The following ATF7IP2 variants were observed in gnomAD, a reference collection of about 807,000 sequenced individuals.
ATF7IP2 encodes activating transcription factor 7-interacting protein 2.
A neutral mutation model predicts 64.2 loss-of-function variants in ATF7IP2; 42 were observed. The ratio of observed to expected loss-of-function variants is 0.65; its 90% CI spans 0.51 to 0.85. ATF7IP2 has a LOEUF of 0.85. Ranked by LOEUF, ATF7IP2 falls within the 40% of genes least tolerant of loss-of-function variation. The probability of loss-of-function intolerance (pLI) is 0.00; values close to 1 mark genes in which losing one functional copy is unlikely to be tolerated. For missense variants in ATF7IP2, 933 were observed against 784.2 expected (o/e 1.19, Z -2.27); for synonymous variants, 308 against 272.8 (o/e 1.13, Z -1.27).
chr16:10,434,290 T>G (rs1376266988), intron 6 of ATF7IP2, among the ~76,000 whole-genome samples: 2 of 152,202 alleles, frequency 1.3e-5, no homozygotes, highest in Non-Finnish European at 2.9e-5. Context: ...TCAGTTCTAG[T>G]AGAATGGTTA....
intron 1 of ATF7IP2, among the ~76,000 whole-genome samples, chr16:10,399,795 A>G (rs2047491411): frequency 6.6e-6 from 1 of 152,192 alleles, no homozygotes; most frequent in African/African-American, 2.4e-5. Context: ...CCATTTTAAC[A>G]ATATTAATTC....
At chr16:10,435,237 G>T (rs1540525) in intron 6 of ATF7IP2, among the ~76,000 whole-genome samples, 1 of 152,132 alleles carries the variant, frequency 6.6e-6, no homozygotes, top group African/African-American at 2.4e-5. Flanking sequence ...CCCTACTGAA[G>T]GAGTCCTGCA....
chr16:10,425,054 A>ATTT (rs59143669), intron 3 of ATF7IP2, among the ~76,000 whole-genome samples: 4 of 132,194 alleles, frequency 3.0e-5, no homozygotes, highest in East Asian at 2.2e-4. Flanking sequence ...TTTATATCAG[A>ATTT]TTTTTTTTTT....
intron 9 of ATF7IP2, among the ~76,000 whole-genome samples, chr16:10,460,673 G>A (rs572810978): frequency 6.0e-4 from 92 of 152,078 alleles, no homozygotes; most frequent in Non-Finnish European, 1.2e-3. Context: ...ATATGAAATT[G>A]GACTCCTTTG....
intron 9 of ATF7IP2, among the ~76,000 whole-genome samples, chr16:10,470,630 A>T (rs985164851): frequency 1.3e-5 from 2 of 151,924 alleles, no homozygotes; most frequent in African/African-American, 4.8e-5. Context: ...AAATTTTTTT[A>T]AAAAGTTAGC....
chr16:10,418,630 C>T (rs1034340156), intron 2 of ATF7IP2, among the ~76,000 whole-genome samples: 10 of 152,224 alleles, frequency 6.6e-5, no homozygotes, highest in African/African-American at 2.4e-4. Context: ...CTCCTTCAAG[C>T]ACTCCAGTTC....
intron 8 of ATF7IP2, among the ~76,000 whole-genome samples, chr16:10,452,010 C>T (rs1260728973): frequency 6.6e-6 from 1 of 152,036 alleles, no homozygotes; most frequent in South Asian, 2.1e-4. Context: ...CGAGATCGCT[C>T]CACTGCACTC....
chr16:10,450,473 G>A (rs947357385), intron 8 of ATF7IP2, among the ~76,000 whole-genome samples: 2 of 152,190 alleles, frequency 1.3e-5, no homozygotes, highest in Non-Finnish European at 2.9e-5. Flanking sequence ...AGGTCTTTAA[G>A]AACTTGCTTT....
chr16:10,479,734 A>G (rs1195968494), intron 12 of ATF7IP2, among the ~76,000 whole-genome samples: 2 of 152,178 alleles, frequency 1.3e-5, no homozygotes, highest in East Asian at 3.9e-4. Flanking sequence ...CAAACATGAA[A>G]AAAAGCTCAA....
At chr16:10,426,007 T>A (rs185145678) in intron 3 of ATF7IP2, among the ~76,000 whole-genome samples, 6 of 152,260 alleles carry the variant, frequency 3.9e-5, no homozygotes, top group Admixed American at 3.9e-4. Flanking sequence ...CAAAATGAAG[T>A]TAACAGTGAG....
chr16:10,433,702 T>C, intron 6 of ATF7IP2, 53 bp downstream of exon 6: 1 of 1,585,604 alleles, frequency 6.3e-7, no homozygotes, highest in Non-Finnish European at 8.6e-7. Context: ...TAAAACATGG[T>C]AAAAGTTAAT....
At chr16:10,447,412 A>G (rs1032802141) in intron 8 of ATF7IP2, 5 of 152,174 alleles carry the variant, frequency 3.3e-5, no homozygotes, top group Admixed American at 6.5e-5. Flanking sequence ...CCGGAGAAGA[A>G]TGGGATCCCA....
chr16:10,472,043 T>G, intron 9 of ATF7IP2, 67 bp from the exon 10 acceptor site: 1 of 734,634 alleles, frequency 1.4e-6, no homozygotes, highest in East Asian at 2.7e-5. Flanking sequence ...TCCTAACCAC[T>G]AATTGCATGT....
rs560139978 is a variant in ATF7IP2 at position 10,466,168 on chromosome 16, C to T, written c.1353-5942C>T. ...CACATTATGTGTCATGATACCCATC[C>T]GTGCTGTTGCTATTCAGCAGTTTAT... On this transcript the variant is annotated intron_variant, in intron 9 of 13. Transcript: ENST00000562102. Among the ~76,000 whole-genome samples, 7 of 152,296 alleles carry T rather than the reference C, an allele frequency of 4.6e-5. No homozygotes were observed. The South Asian group carries it at 6.2e-4, about 14-fold the overall frequency.
chr16:10,397,689 C>T (rs2047446454), intron 1 of ATF7IP2, among the ~76,000 whole-genome samples: 1 of 151,792 alleles, frequency 6.6e-6, no homozygotes, highest in African/African-American at 2.4e-5. Flanking sequence ...CCAGCCTGGG[C>T]AACATGGCAA....
At chr16:10,427,065 G>A (rs942228199) in intron 3 of ATF7IP2, among the ~76,000 whole-genome samples, 1 of 152,110 alleles carries the variant, frequency 6.6e-6, no homozygotes, top group Non-Finnish European at 1.5e-5. Context: ...TTTTGGCCAG[G>A]GTGGTCTCGA....
At chr16:10,442,158 G>C (rs181153034) in intron 8 of ATF7IP2, among the ~76,000 whole-genome samples, 1 of 152,328 alleles carries the variant, frequency 6.6e-6, no homozygotes, top group Admixed American at 6.5e-5. Context: ...GTGTGGGTCA[G>C]CTACAACCAT....
At chr16:10,422,341 A>T (rs1050160864) in intron 3 of ATF7IP2, among the ~76,000 whole-genome samples, 9 of 151,848 alleles carry the variant, frequency 5.9e-5, no homozygotes, top group African/African-American at 2.2e-4. Context: ...AACTTTGCAA[A>T]TTTTTTCCTA....
chr16:10,474,104 A>T, intron 12 of ATF7IP2, 115 bp downstream of exon 12: 1 of 671,032 alleles, frequency 1.5e-6, no homozygotes, highest in Non-Finnish European at 2.5e-6. Context: ...CTATGTTTAT[A>T]TCTCTGTGCA....
Sources: allele counts gnomAD v4.1 joint callset (sites outside exome capture counted in the v4.1 genomes callset), GRCh38; gene constraint gnomAD v4.1.1; transcripts MANE v1.5; gene names NCBI Gene and HGNC (gene_info 2026-07-23, HGNC 2026-07-21).